Variants in PIK3CB observed in about 807,000 individuals in gnomAD.
The protein encoded by PIK3CB is phosphatidylinositol 4,5-bisphosphate 3-kinase catalytic subunit beta isoform.
In PIK3CB, 39 loss-of-function variants were observed where a neutral mutation model predicts 136.8. The observed-to-expected ratio is 0.29, with a 90% CI of 0.22 to 0.37. PIK3CB has a LOEUF of 0.37. Ranked by LOEUF, PIK3CB falls within the 10% of genes least tolerant of loss-of-function variation. The pLI, the probability that PIK3CB is intolerant of heterozygous loss-of-function variation, is 1.00. For synonymous variants in PIK3CB, 428 were observed against 436.6 expected (o/e 0.98, Z 0.25); for missense variants, 868 against 1,275.4 (o/e 0.68, Z 4.87).
At chr3:138,662,659 T>C (rs1173944793) in intron 21 of PIK3CB, among the ~76,000 whole-genome samples, 3 of 151,020 alleles carry the variant, frequency 2.0e-5, no homozygotes, top group Non-Finnish European at 1.5e-5. Context: ...ATGGTATTTC[T>C]AGTTCTAGAT....
intron 1 of PIK3CB, among the ~76,000 whole-genome samples, chr3:138,803,409 T>C (rs992427353): frequency 1.3e-5 from 2 of 152,200 alleles, no homozygotes; most frequent in Admixed American, 6.6e-5. Context: ...CCTCTTTCCA[T>C]TTCTATGAAT....
intron 12 of PIK3CB, among the ~76,000 whole-genome samples, chr3:138,701,785 A>C (rs1248907170): frequency 7.6e-6 from 1 of 132,430 alleles, no homozygotes; most frequent in African/African-American, 3.3e-5. Flanking sequence ...ACTCTGTCTC[A>C]AAAAAAAAAA....
intron 19 of PIK3CB, among the ~76,000 whole-genome samples, chr3:138,681,496 C>G (rs192417990): frequency 6.6e-6 from 1 of 151,946 alleles, no homozygotes; most frequent in Non-Finnish European, 1.5e-5. Context: ...TTTTCTGTCA[C>G]GACACCACAA....
intron 2 of PIK3CB, among the ~76,000 whole-genome samples, chr3:138,783,907 A>C (rs771446596): frequency 5.3e-5 from 8 of 152,222 alleles, no homozygotes; most frequent in African/African-American, 1.4e-4. Context: ...TTAGTTTCCC[A>C]AAAGCCCAAA....
At chr3:138,750,332 C>T (rs2045445370) in intron 4 of PIK3CB, among the ~76,000 whole-genome samples, 1 of 151,874 alleles carries the variant, frequency 6.6e-6, no homozygotes, top group Non-Finnish European at 1.5e-5. Flanking sequence ...TTATTATTAA[C>T]TATAGTCACG....
chr3:138,805,680 C>T (rs370607443), intron 1 of PIK3CB, among the ~76,000 whole-genome samples: 15 of 151,844 alleles, frequency 9.9e-5, no homozygotes, highest in African/African-American at 3.4e-4. Flanking sequence ...TCAAAAAACA[C>T]AAAAACAAAA....
Position 138,683,638 on chromosome 3 carries a change from A to G in PIK3CB, c.2425+40T>C, listed in dbSNP as rs751530523. On this transcript the variant is annotated intron_variant, in intron 18 of 23. Transcript: ENST00000674063. ...ATAAAGCAAAATGGCAACAAATGAA[A>G]AATTCTAAGAAATTTGATGTTAAAA... The G allele has an allele frequency of 6.5e-6, 7 of 1,079,508 alleles. No homozygotes were observed. The South Asian group carries it at 7.6e-5, about 12-fold the overall frequency. 66.9% of individuals were successfully genotyped at this position (1,079,508 alleles called of 1,614,324 possible).
intron 1 of PIK3CB, among the ~76,000 whole-genome samples, chr3:138,823,399 G>A (rs1933645367): frequency 6.6e-6 from 1 of 151,478 alleles, no homozygotes; most frequent in Non-Finnish European, 1.5e-5. Context: ...TAGTAGACTG[G>A]CTACAGAAAA....
Position 138,664,150 on chromosome 3 carries a change from C to T in PIK3CB, c.2673-121G>A, listed in dbSNP as rs775468022. On this transcript the variant is annotated intron_variant, in intron 20 of 23. Transcript: ENST00000674063. ...GAGGAGAACACAGAGCTGCCAAAAC[C>T]GTATGAGAGAACATGTGGATCAGCC... The T allele has an allele frequency of 1.2e-5, 14 of 1,129,220 alleles. No homozygotes were observed. In the African/African-American group the frequency reaches 1.4e-4, roughly 11 times the overall value. The allele number at this position is 1,129,220 out of a possible 1,614,324, so 70.0% of individuals were successfully genotyped here.
intron 1 of PIK3CB, among the ~76,000 whole-genome samples, chr3:138,820,196 C>T (rs1933498871): frequency 6.6e-6 from 1 of 152,082 alleles, no homozygotes. Flanking sequence ...CTAATATATC[C>T]CCCAATAATT....
chr3:138,672,910 GAA>G (rs748631273), intron 19 of PIK3CB, among the ~76,000 whole-genome samples: 2,412 of 61,048 alleles, frequency 0.04, 41 homozygotes, highest in African/African-American at 0.14. Context: ...AGACTCCGTT[GAA>G]AAAAAAAAAA....
chr3:138,663,583 T>C (rs987752224), intron 21 of PIK3CB, among the ~76,000 whole-genome samples: 4 of 152,094 alleles, frequency 2.6e-5, no homozygotes, highest in Admixed American at 2.0e-4. Context: ...GGTTTCGCCA[T>C]GTTGACCAGG....
At chr3:138,671,640 C>A (rs1483996446) in intron 19 of PIK3CB, among the ~76,000 whole-genome samples, 1 of 152,166 alleles carries the variant, frequency 6.6e-6, no homozygotes, top group Non-Finnish European at 1.5e-5. Flanking sequence ...GGATCTGGAC[C>A]CGACAAAGAA....
chr3:138,761,765 G>A (rs183390234), intron 2 of PIK3CB, among the ~76,000 whole-genome samples: 9 of 151,302 alleles, frequency 5.9e-5, no homozygotes, highest in African/African-American at 1.2e-4. Context: ...GCGAGACTTC[G>A]TCTCAAAAAA....
intron 1 of PIK3CB, chr3:138,826,229 G>A (rs1373152269): frequency 6.7e-7 from 1 of 1,503,008 alleles, no homozygotes; most frequent in African/African-American, 1.4e-5. Context: ...CTCGTGATAT[G>A]AAACAGAGTT....
chr3:138,759,742 A>AG (rs1435592741), intron 2 of PIK3CB, among the ~76,000 whole-genome samples: 3 of 152,152 alleles, frequency 2.0e-5, no homozygotes, highest in Non-Finnish European at 2.9e-5. Flanking sequence ...TAAGGATTAC[A>AG]GGGTCCTAAG....
intron 1 of PIK3CB, among the ~76,000 whole-genome samples, chr3:138,816,022 T>C (rs1436340612): frequency 1.3e-5 from 2 of 152,156 alleles, no homozygotes; most frequent in African/African-American, 4.8e-5. Context: ...ACAAGGTGGG[T>C]TGGGTGCAAT....
chr3:138,666,347 T>A (rs1316404513), intron 19 of PIK3CB, among the ~76,000 whole-genome samples: 1 of 152,066 alleles, frequency 6.6e-6, no homozygotes, highest in Non-Finnish European at 1.5e-5. Context: ...GTTTTTTTAT[T>A]TTTTTGTTTT....
At chr3:138,810,365 G>T (rs1339756901) in intron 1 of PIK3CB, among the ~76,000 whole-genome samples, 2 of 152,114 alleles carry the variant, frequency 1.3e-5, no homozygotes, top group African/African-American at 4.8e-5. Flanking sequence ...GAGAGGGAAA[G>T]AGTAACTTTA....
Sources: gnomAD v4.1 joint callset for allele counts (sites outside exome capture counted in the v4.1 genomes callset) on GRCh38, gnomAD v4.1.1 for gene constraint, MANE v1.5 for transcripts, NCBI Gene and HGNC (gene_info 2026-07-23, HGNC 2026-07-21) for gene names.